Variants in COL25A1 observed in about 807,000 individuals in gnomAD.
COL25A1 encodes the protein collagen type XXV alpha 1 chain, also known as collagen alpha-1(XXV) chain.
Under a neutral mutation model 128.4 loss-of-function variants are expected in COL25A1, and 103 were observed. The observed-to-expected ratio is 0.80, with a 90% CI of 0.68 to 0.94. The LOEUF is 0.94. COL25A1 is among the 40% of genes least tolerant of loss of function. COL25A1 has a pLI of 0.00. For missense variants in COL25A1, 745 were observed against 840.0 expected (o/e 0.89, Z 1.40); for synonymous variants, 279 against 277.2 (o/e 1.01, Z -0.06).
At chr4:109,053,250 A>G (rs1331217394) in intron 3 of COL25A1, among the ~76,000 whole-genome samples, 1 of 152,206 alleles carries the variant, frequency 6.6e-6, no homozygotes, top group Non-Finnish European at 1.5e-5. Flanking sequence ...AATAGATGCA[A>G]GCTGTCAGCC....
chr4:108,940,615 G>A lies in COL25A1; in HGVS notation c.596C>T (p.Pro199Leu). 1 of 1,607,316 alleles carries A rather than the reference G, an allele frequency of 6.2e-7. No individual in the cohort carries two copies. The highest frequency in any genetic ancestry group is 1.7e-4 in the Middle Eastern group (1 of 6,018). The change falls in exon 10 of 38, where the codon CCC becomes CTC. Residue 199 changes from proline to leucine, a missense_variant. Physicochemically the swap from Pro to Leu is moderately conservative, Grantham distance 98 (BLOSUM62 -3). This residue lies in a region of COL25A1 where 319 missense variants were observed against 324.9 expected (regional missense o/e 0.98). Coordinates refer to ENST00000399132, the MANE Select transcript of COL25A1 (RefSeq NM_198721.4). ...CCCTCTTGGGCCTGGAGGGCCAGGG[G>A]GTCCTGGAGGCCCTGCCTGTCCTTG... ...GDQGQAGPPG[P>L]PGPPGPRGPP... is the part of the protein sequence containing the mutation.
intron 13 of COL25A1, among the ~76,000 whole-genome samples, chr4:108,901,968 A>G (rs1367955009): frequency 6.6e-6 from 1 of 152,038 alleles, no homozygotes; most frequent in Non-Finnish European, 1.5e-5. Flanking sequence ...ACTTACAGCA[A>G]TTAGAATTCT....
At chr4:108,819,394 AAAG>A in intron 35 of COL25A1, 65 bp from the exon 36 acceptor site, 1 of 1,340,090 alleles carries the variant, frequency 7.5e-7, no homozygotes, top group Non-Finnish European at 1.0e-6. Context: ...AAATTCTGCG[AAAG>A]AAGTAACTAC....
intron 3 of COL25A1, among the ~76,000 whole-genome samples, chr4:109,107,048 C>G (rs1160664584): frequency 6.6e-6 from 1 of 152,160 alleles, no homozygotes; most frequent in Non-Finnish European, 1.5e-5. Flanking sequence ...GGATTACAGG[C>G]ATGAGCCACA....
intron 3 of COL25A1, among the ~76,000 whole-genome samples, chr4:109,209,067 T>C (rs1777281740): frequency 6.6e-6 from 1 of 152,206 alleles, no homozygotes; most frequent in Non-Finnish European, 1.5e-5. Flanking sequence ...GGCATTGCTT[T>C]TGCAGGTCCT....
At chr4:108,909,947 C>T (rs1744012107) in intron 13 of COL25A1, among the ~76,000 whole-genome samples, 1 of 152,216 alleles carries the variant, frequency 6.6e-6, no homozygotes, top group Admixed American at 6.5e-5. Context: ...GTCAACAGTG[C>T]TGCACGGCCA....
chr4:109,010,002 CACA>C lies in COL25A1; in HGVS notation c.438+353_438+355del, dbSNP rs375240130. ...TAAATAATCAGAGTCTGCAGGGATT[CACA>C]ACAACATTATTAGTACATGATTAAT... is the stretch of plus-strand genomic sequence containing the variant. On this transcript the variant is annotated intron_variant, in intron 6 of 37. Coordinates refer to ENST00000399132, the MANE Select transcript of COL25A1 (RefSeq NM_198721.4). Among the ~76,000 whole-genome samples, 311 of 152,316 alleles carry C rather than the reference CACA, an allele frequency of 2.0e-3. 1 individual carries two copies. Among genetic ancestry groups the C allele is most frequent in the African/African-American group, 7.2e-3 (298 of 41,578 alleles).
At chr4:109,173,404 T>C (rs1773778860) in intron 3 of COL25A1, among the ~76,000 whole-genome samples, 1 of 152,156 alleles carries the variant, frequency 6.6e-6, no homozygotes, top group Non-Finnish European at 1.5e-5. Flanking sequence ...TCCTGATGAA[T>C]TAAATGACCT....
intron 3 of COL25A1, among the ~76,000 whole-genome samples, chr4:109,072,117 G>C (rs572253328): frequency 6.6e-6 from 1 of 152,304 alleles, no homozygotes; most frequent in African/African-American, 2.4e-5. Flanking sequence ...CCTGGGCTAA[G>C]AGGAGTCGAA....
At chr4:109,255,246 C>G (rs113825757) in intron 3 of COL25A1, among the ~76,000 whole-genome samples, 6 of 152,024 alleles carry the variant, frequency 3.9e-5, no homozygotes, top group African/African-American at 1.4e-4. Context: ...AAAATAGTAC[C>G]CTTGTAATTT....
rs565574429 is a variant in COL25A1, at chr4:108,813,103, C to G, written c.*824G>C. 2.0e-5 allele frequency: 3 copies of G among 152,248 alleles called. No homozygotes were observed. The highest frequency in any genetic ancestry group is 7.2e-5 in the African/African-American group (3 of 41,452). The allele number at this position is 152,248 out of a possible 1,614,324, so 9.4% of individuals were successfully genotyped here. A position where few individuals can be genotyped will look rare whatever the true frequency, so the allele number is the denominator to read the frequency against. ...TGAGAGGCAGTGCTGGAGGCTGAAT[C>G]GGTCCTCTTCCCATGTCTTCACTGC... On this transcript the variant is annotated 3_prime_UTR_variant, in exon 38 of 38. Coordinates refer to ENST00000399132, the MANE Select transcript of COL25A1 (RefSeq NM_198721.4).
chr4:109,010,736 A>C (rs1756499048), intron 5 of COL25A1, among the ~76,000 whole-genome samples: 1 of 152,244 alleles, frequency 6.6e-6, no homozygotes, highest in Non-Finnish European at 1.5e-5. Flanking sequence ...CTGTGAGCCC[A>C]AACTATGAGC....
intron 31 of COL25A1, among the ~76,000 whole-genome samples, chr4:108,840,750 A>G (rs1163281756): frequency 6.6e-6 from 1 of 152,174 alleles, no homozygotes; most frequent in Non-Finnish European, 1.5e-5. Context: ...AGGGTTGAGG[A>G]TGAGTTATAG....
chr4:109,181,228 T>A (rs902900076), intron 3 of COL25A1, among the ~76,000 whole-genome samples: 6 of 152,134 alleles, frequency 3.9e-5, no homozygotes, highest in African/African-American at 9.7e-5. Context: ...TGGAGGAGAC[T>A]CCCTTGAGGA....
At chr4:108,836,503 C>T (rs936288656) in intron 31 of COL25A1, among the ~76,000 whole-genome samples, 1 of 151,894 alleles carries the variant, frequency 6.6e-6, no homozygotes, top group African/African-American at 2.4e-5. Context: ...TAGAGATCAG[C>T]GTGGGAAACA....
At chr4:109,025,237 CAT>C (rs1430581362) in intron 5 of COL25A1, among the ~76,000 whole-genome samples, 3 of 152,090 alleles carry the variant, frequency 2.0e-5, no homozygotes, top group Non-Finnish European at 2.9e-5. Flanking sequence ...ATACAATAAA[CAT>C]ATATGAAGTA....
At chr4:109,245,257 G>C (rs774129375) in intron 3 of COL25A1, among the ~76,000 whole-genome samples, 10 of 152,128 alleles carry the variant, frequency 6.6e-5, no homozygotes, top group Non-Finnish European at 1.2e-4. Flanking sequence ...GGTCCAGTTT[G>C]TTATAGCCAA....
At chr4:109,105,971 C>T (rs971883814) in intron 3 of COL25A1, among the ~76,000 whole-genome samples, 2 of 152,114 alleles carry the variant, frequency 1.3e-5, no homozygotes, top group Non-Finnish European at 2.9e-5. Context: ...ATCAATTTCA[C>T]TCAAGAATAT....
intron 8 of COL25A1, among the ~76,000 whole-genome samples, chr4:108,966,268 CT>C (rs1490331797): frequency 2.0e-5 from 3 of 152,014 alleles, no homozygotes; most frequent in Admixed American, 1.3e-4. Context: ...CATATGTTTT[CT>C]GTTGGGTTGA....
Sources: gnomAD v4.1 joint callset for allele counts (sites outside exome capture counted in the v4.1 genomes callset) on GRCh38, gnomAD v4.1.1 for gene constraint, gnomAD v4.1.1 regional missense constraint, MANE v1.5 for transcripts, NCBI Gene and HGNC (gene_info 2026-07-23, HGNC 2026-07-21) for gene names.